DRC8: variants seen among roughly 807,000 people sequenced by gnomAD.
DRC8 encodes dynein regulatory complex protein 8.
the DRC8 span, among the ~76,000 whole-genome samples, chr1:245,055,390 G>A: frequency 1.3e-5 from 2 of 152,182 alleles, no homozygotes; most frequent in African/African-American, 4.8e-5. Flanking sequence ...CAGGATCATA[G>A]TCCACTGCAG....
At chr1:245,017,399 T>A in the DRC8 span, 1 of 1,434,060 alleles carries the variant, frequency 7.0e-7, no homozygotes, top group East Asian at 2.4e-5. Context: ...GAGAGCTATT[T>A]TCTCTTTTTA....
chr1:245,072,275 A>G, the DRC8 span, among the ~76,000 whole-genome samples: 156 of 152,320 alleles, frequency 1.0e-3, 1 homozygote, highest in African/African-American at 3.6e-3. Flanking sequence ...AAATTCATTG[A>G]AGAAACCTTT....
chr1:245,056,356 T>C, the DRC8 span, among the ~76,000 whole-genome samples: 1 of 152,112 alleles, frequency 6.6e-6, no homozygotes, highest in Non-Finnish European at 1.5e-5. Flanking sequence ...AGAGCAGTGG[T>C]GCCATCTCAG....
the DRC8 span, among the ~76,000 whole-genome samples, chr1:245,049,418 G>T: frequency 5.9e-5 from 9 of 152,158 alleles, no homozygotes; most frequent in Non-Finnish European, 8.8e-5. This position sits in a 1 kb window ranked among gnomAD's most constrained non-coding sequence, Gnocchi z 4.5. Flanking sequence ...CTTCTTGCAG[G>T]TGCATTTCTA....
the DRC8 span, chr1:245,022,889 A>G: frequency 6.6e-6 from 1 of 152,202 alleles, no homozygotes; most frequent in Non-Finnish European, 1.5e-5. Context: ...GTACCCATTT[A>G]ACAATAATTC....
the DRC8 span, chr1:245,059,400 T>C: frequency 5.0e-6 from 8 of 1,611,264 alleles, no homozygotes; most frequent in Non-Finnish European, 6.8e-6. Context: ...ATTGGAACAA[T>C]TATCAGGTCA....
At chr1:245,013,573 A>ACAAC in the DRC8 span, among the ~76,000 whole-genome samples, 33,601 of 152,040 alleles carry the variant, frequency 0.22, 4,023 homozygotes, top group African/African-American at 0.32. Context: ...AAAATCAGAA[A>ACAAC]CTAAACATCC....
At chr1:245,121,155 T>C in the DRC8 span, among the ~76,000 whole-genome samples, 7 of 152,256 alleles carry the variant, frequency 4.6e-5, no homozygotes, top group South Asian at 4.1e-4. Flanking sequence ...GGAAGTTTTA[T>C]GCCCCTTTTT....
chr1:244,970,098 G>T, the DRC8 span: 13 of 673,292 alleles, frequency 1.9e-5, no homozygotes, highest in Admixed American at 5.3e-5. Flanking sequence ...GAAAGGAGGG[G>T]TTGGGGACCG....
the DRC8 span, among the ~76,000 whole-genome samples, chr1:245,053,123 T>A: frequency 6.6e-6 from 1 of 152,230 alleles, no homozygotes; most frequent in Non-Finnish European, 1.5e-5. Flanking sequence ...AGTCTTCTCT[T>A]AACCTTTCAA....
the DRC8 span, among the ~76,000 whole-genome samples, chr1:245,092,952 T>C: frequency 6.6e-6 from 1 of 152,182 alleles, no homozygotes; most frequent in South Asian, 2.1e-4. Flanking sequence ...AAAACACTTT[T>C]CGGGGCTGGT....
At chr1:244,997,525 C>CTTTTTTTTTTTTTTTTTTGTTTT in the DRC8 span, among the ~76,000 whole-genome samples, 1 of 126,738 alleles carries the variant, frequency 7.9e-6, no homozygotes. Flanking sequence ...TTCGTGCCAT[C>CTTTTTTTTTTTTTTTTTTGTTTT]TTTTTTTTTT....
the DRC8 span, among the ~76,000 whole-genome samples, chr1:245,044,932 A>C: frequency 6.6e-6 from 1 of 151,274 alleles, no homozygotes; most frequent in African/African-American, 2.5e-5. Context: ...TTTTTTGAAA[A>C]GATAACTTCA....
the DRC8 span, among the ~76,000 whole-genome samples, chr1:245,084,071 C>CCT: frequency 8.4e-6 from 1 of 118,574 alleles, no homozygotes; most frequent in Non-Finnish European, 1.8e-5. Context: ...CGCCCCCCCC[C>CCT]CGGCGCCCCG....
the DRC8 span, among the ~76,000 whole-genome samples, chr1:245,096,863 A>C: frequency 6.6e-6 from 1 of 152,192 alleles, no homozygotes; most frequent in African/African-American, 2.4e-5. Flanking sequence ...GACCTGGGGA[A>C]AGTCACGTGA....
the DRC8 span, among the ~76,000 whole-genome samples, chr1:245,051,580 C>T: frequency 2.0e-5 from 3 of 151,938 alleles, no homozygotes; most frequent in African/African-American, 2.4e-5. Flanking sequence ...GATTCTGCAG[C>T]GCGGTGAGGC....
the DRC8 span, among the ~76,000 whole-genome samples, chr1:245,115,757 A>C: frequency 1.2e-4 from 18 of 152,254 alleles, no homozygotes; most frequent in Non-Finnish European, 2.6e-4. Flanking sequence ...ATGATGGACA[A>C]AGCACTGCTG....
the DRC8 span, among the ~76,000 whole-genome samples, chr1:245,069,831 C>T: frequency 4.5e-4 from 69 of 152,292 alleles, no homozygotes. Context: ...TGCTTGAAGC[C>T]AGGAGTTCGG....
At chr1:244,990,141 C>T in the DRC8 span, among the ~76,000 whole-genome samples, 1 of 152,226 alleles carries the variant, frequency 6.6e-6, no homozygotes, top group African/African-American at 2.4e-5. Context: ...TCAACAGTAG[C>T]CTGACACTGC....
Sources: gnomAD v4.1 joint callset for allele counts (sites outside exome capture counted in the v4.1 genomes callset) on GRCh38, gnomAD v4.1.1 for gene constraint, Gnocchi (gnomAD v3.1) non-coding constraint, MANE v1.5 for transcripts, NCBI Gene and HGNC (gene_info 2026-07-23, HGNC 2026-07-21) for gene names.